The following SEPTIN9 variants were observed in gnomAD, a reference collection of about 807,000 sequenced individuals.
SEPTIN9 encodes the protein septin 9.
Under a neutral mutation model 56.6 loss-of-function variants are expected in SEPTIN9, and 13 were observed. The ratio of observed to expected loss-of-function variants is 0.23; its 90% CI spans 0.15 to 0.37. The LOEUF (loss-of-function observed/expected upper bound fraction) is 0.37. SEPTIN9 is among the 10% of genes least tolerant of loss of function. SEPTIN9 has a pLI of 1.00. For synonymous variants in SEPTIN9, 332 were observed against 334.1 expected, an observed-to-expected ratio of 0.99 and a Z score of 0.07; for missense variants, 650 against 823.1, an observed-to-expected ratio of 0.79 and a Z score of 2.57.
Position 77,470,686 on chromosome 17 carries a change from C to CCACTCACCCATTCACACACCCATA in SEPTIN9, c.722-11454_722-11431dup, listed in dbSNP as rs2038960135. ...TCCATCTGTCCATCCATCCACCCAC[C>CCACTCACCCATTCACACACCCATA]CACTCACCCATTCACACACCCATAC... On this transcript the variant is annotated intron_variant, in intron 3 of 11. Coordinates refer to ENST00000427177, the MANE Select transcript of SEPTIN9 (RefSeq NM_001113491.2). 6 of 152,260 alleles carry CCACTCACCCATTCACACACCCATA rather than the reference C, an allele frequency of 3.9e-5. No homozygotes were observed. The South Asian group carries it at 1.2e-3, about 32-fold the overall frequency. The allele number at this position is 152,260 out of a possible 1,614,324, so 9.4% of individuals were successfully genotyped here.
chr17:77,441,858 A>G (rs969738771), intron 3 of SEPTIN9, among the ~76,000 whole-genome samples: 2 of 152,108 alleles, frequency 1.3e-5, no homozygotes, highest in Non-Finnish European at 2.9e-5. Context: ...TCCTGCTTTC[A>G]TAGACTTTGA....
At chr17:77,448,441 G>A (rs1038326333) in intron 3 of SEPTIN9, among the ~76,000 whole-genome samples, 2 of 150,668 alleles carry the variant, frequency 1.3e-5, no homozygotes, top group South Asian at 2.1e-4. Flanking sequence ...ACGCCATTGC[G>A]CTCCAGCCTG....
At chr17:77,466,053 GTCAC>G in intron 3 of SEPTIN9, among the ~76,000 whole-genome samples, 1 of 103,114 alleles carries the variant, frequency 9.7e-6, no homozygotes, top group Non-Finnish European at 1.9e-5. Context: ...TTTCTGGACT[GTCAC>G]ACACACACAC....
chr17:77,451,669 G>A lies in SEPTIN9; in HGVS notation c.722-30475G>A. ...GTCCCTGGGCCCCGGCCCGAGGCCG[G>A]CAGGACCGAGCGGGGTCCCCAGGAG... is the stretch of plus-strand genomic sequence containing the variant. On this transcript the variant is annotated intron_variant, in intron 3 of 11. Coordinates refer to ENST00000427177, the MANE Select transcript of SEPTIN9 (RefSeq NM_001113491.2). The surrounding 1 kb of genome is among the most constrained non-coding windows in gnomAD (Gnocchi z 4.2). The A allele has an allele frequency of 3.4e-6, 2 of 584,168 alleles. No individual in the cohort carries two copies. The highest frequency in any genetic ancestry group is 4.3e-6 in the Non-Finnish European group (2 of 463,180). 36.2% of individuals were successfully genotyped at this position (584,168 alleles called of 1,614,324 possible). A position where few individuals can be genotyped will look rare whatever the true frequency, so the allele number is the denominator to read the frequency against.
chr17:77,416,642 G>A (rs1049213975), intron 3 of SEPTIN9, among the ~76,000 whole-genome samples: 2 of 152,162 alleles, frequency 1.3e-5, no homozygotes, highest in Admixed American at 6.5e-5. Context: ...GTGGCTTGGG[G>A]GTCACTCTGG....
chr17:77,307,174 G>A lies in SEPTIN9; in HGVS notation c.53G>A (p.Arg18Lys), dbSNP rs759789127. The A allele has an allele frequency of 6.2e-7, 1 of 1,613,776 alleles. No individual in the cohort carries two copies. Among genetic ancestry groups the A allele is most frequent in the Admixed American group, 1.7e-5 (1 of 60,006 alleles). Residue 18 changes from arginine (R) to lysine (K), a missense_variant, in exon 2 of 12, where the codon AGG becomes AAG. Transcript: ENST00000427177. ...CGGACCTCCAGTGGCCGGCTCCGGA[G>A]GCTTGGTGACTCCAGTGGCCCAGGT... is the stretch of plus-strand genomic sequence containing the variant. ...GTRTSSGRLR[R>K]LGDSSGPALK...
intron 3 of SEPTIN9, among the ~76,000 whole-genome samples, chr17:77,458,904 A>C (rs1410967647): frequency 2.6e-5 from 4 of 152,156 alleles, no homozygotes; most frequent in African/African-American, 9.7e-5. Flanking sequence ...CTCAGGGAGG[A>C]GGTCAGCTCA....
chr17:77,372,637 G>A (rs1281213935), intron 2 of SEPTIN9, among the ~76,000 whole-genome samples: 1 of 152,254 alleles, frequency 6.6e-6, no homozygotes, highest in Admixed American at 6.5e-5. Context: ...TCTGACAGCC[G>A]TGTTCCATCC....
chr17:77,289,712 CTT>C (rs907392600), intron 1 of SEPTIN9, among the ~76,000 whole-genome samples: 1 of 151,908 alleles, frequency 6.6e-6, no homozygotes, highest in Non-Finnish European at 1.5e-5. Flanking sequence ...CCGGCCTATG[CTT>C]TTTATTATTA....
intron 2 of SEPTIN9, among the ~76,000 whole-genome samples, chr17:77,309,531 C>T (rs572524362): frequency 2.0e-5 from 3 of 152,182 alleles, no homozygotes; most frequent in Admixed American, 6.5e-5. Flanking sequence ...ACTCCCCAGA[C>T]GACTGTCTGC....
At chr17:77,298,794 CT>C (rs1440163025) in intron 1 of SEPTIN9, among the ~76,000 whole-genome samples, 1 of 152,244 alleles carries the variant, frequency 6.6e-6, no homozygotes, top group Admixed American at 6.5e-5. Flanking sequence ...AATACACAGG[CT>C]GACTTTATTA....
intron 2 of SEPTIN9, among the ~76,000 whole-genome samples, chr17:77,354,345 G>C (rs1367856607): frequency 6.6e-6 from 1 of 152,186 alleles, no homozygotes; most frequent in Non-Finnish European, 1.5e-5. Context: ...CATGCGGCAG[G>C]CGCTAGTTTC....
At chr17:77,497,069 AGAGCAGGAGCTGAGCTGTCCAG>A in intron 10 of SEPTIN9, 2 of 582,876 alleles carry the variant, frequency 3.4e-6, no homozygotes, top group Middle Eastern at 4.6e-4. Context: ...AACTTTCTGG[AGAGCAGGAGCTGAGCTGTCCAG>A]GAGCAGGAGC....
In SEPTIN9 at chr17:77,453,586, C is replaced by T. The variant is rs1016337107; in HGVS notation, c.722-28558C>T. ...TGCTACTGCACTCCAGTCTGGGCAA[C>T]AAGAGTGAAACTCTGTCTCAAAAAA... is the stretch of plus-strand genomic sequence containing the variant. On this transcript the variant is annotated intron_variant, in intron 3 of 11. Coordinates refer to ENST00000427177, the MANE Select transcript of SEPTIN9 (RefSeq NM_001113491.2). This position sits in a 1 kb window ranked among gnomAD's most constrained non-coding sequence, Gnocchi z 4.4. 6.8e-5 allele frequency among the ~76,000 whole-genome samples: 9 copies of T among 132,872 alleles called. No homozygotes were observed. Among genetic ancestry groups the T allele is most frequent in the African/African-American group, 2.3e-4 (8 of 34,730 alleles). The allele number at this position is 132,872 out of a possible 152,430, so 87.2% of individuals were successfully genotyped here.
At chr17:77,288,757 A>G (rs368734875) in intron 1 of SEPTIN9, among the ~76,000 whole-genome samples, 1 of 152,320 alleles carries the variant, frequency 6.6e-6, no homozygotes, top group East Asian at 1.9e-4. Context: ...CACTAATAAC[A>G]GGGAACTTTA....
Position 77,402,821 on chromosome 17 carries a change from AC to A in SEPTIN9, c.721+121del. 1 of 1,028,608 alleles carries A rather than the reference AC, an allele frequency of 9.7e-7. No homozygotes were observed. Among genetic ancestry groups the A allele is most frequent in the Non-Finnish European group, 1.4e-6 (1 of 727,254 alleles). The allele number at this position is 1,028,608 out of a possible 1,614,324, so 63.7% of individuals were successfully genotyped here. ...TGGGGTGGAGGGTGCTACCCTGGAG[AC>A]CCAGAAAGACCGGAATGCATGGGGG... On this transcript the variant is annotated intron_variant, in intron 3 of 11. Transcript: ENST00000427177. The surrounding 1 kb of genome is among the most constrained non-coding windows in gnomAD (Gnocchi z 6.6).
rs1056672598 is a variant in SEPTIN9, at chr17:77,500,224, C to A, written c.*1566C>A. 5 of 232,176 alleles carry A rather than the reference C, an allele frequency of 2.2e-5. No individual in the cohort carries two copies. The highest frequency in any genetic ancestry group is 4.3e-5 in the Non-Finnish European group (5 of 117,196). 14.4% of individuals were successfully genotyped at this position (232,176 alleles called of 1,614,324 possible). A position where few individuals can be genotyped will look rare whatever the true frequency, so the allele number is the denominator to read the frequency against. On this transcript the variant is annotated 3_prime_UTR_variant, in exon 12 of 12. Transcript: ENST00000427177. Reference sequence around the variant, plus strand: ...CACTGGGCGTCTGACTCCCTCCCCACCCAAGAGAGGAAGGACCCCTCACCA... The same window carrying A: ...CACTGGGCGTCTGACTCCCTCCCCAACCAAGAGAGGAAGGACCCCTCACCA...
At chr17:77,373,866 C>T (rs570629293) in intron 2 of SEPTIN9, 60 of 348,568 alleles carry the variant, frequency 1.7e-4, no homozygotes, top group African/African-American at 1.2e-3. Flanking sequence ...GCGACAGCGA[C>T]CTCCTCGAGG....
chr17:77,371,724 T>C lies in SEPTIN9; in HGVS notation c.77-30335T>C, dbSNP rs2034725013. Among the ~76,000 whole-genome samples, 1 of 152,212 alleles carries C rather than the reference T, an allele frequency of 6.6e-6. No homozygotes were observed. Among genetic ancestry groups the C allele is most frequent in the Non-Finnish European group, 1.5e-5 (1 of 68,034 alleles). On this transcript the variant is annotated intron_variant, in intron 2 of 11. Coordinates refer to ENST00000427177, the MANE Select transcript of SEPTIN9 (RefSeq NM_001113491.2). This position sits in a 1 kb window ranked among gnomAD's most constrained non-coding sequence, Gnocchi z 4.1. ...GCTATTAATGGCAGCAATGGCTGCA[T>C]TTCTGAAACCCGGGCTCCCAGGCCG... is the stretch of plus-strand genomic sequence containing the variant.
Sources: allele counts gnomAD v4.1 joint callset (sites outside exome capture counted in the v4.1 genomes callset), GRCh38; gene constraint gnomAD v4.1.1; non-coding constraint Gnocchi (gnomAD v3.1); transcripts MANE v1.5; gene names NCBI Gene and HGNC (gene_info 2026-07-23, HGNC 2026-07-21).